Variants in IRS1 observed in about 807,000 individuals in gnomAD.
IRS1 encodes the protein insulin receptor substrate 1.
Under a neutral mutation model 65.6 loss-of-function variants are expected in IRS1, and 34 were observed. The ratio of observed to expected loss-of-function variants is 0.52; its 90% confidence interval spans 0.39 to 0.69. The LOEUF (loss-of-function observed/expected upper bound fraction) is 0.69. Among genes scored for constraint, IRS1 ranks in the 30% least tolerant of loss-of-function variants. The pLI is 0.00. For synonymous variants in IRS1, 699 were observed against 683.5 expected (o/e 1.02, Z -0.35); for missense variants, 1,641 against 1,720.2 (o/e 0.95, Z 0.81).
In IRS1 at chr2:226,733,013, T is replaced by C. The variant is rs751030731; in HGVS notation, c.*3259A>G. Reference sequence around the variant, plus strand: ...TCACCAGCAGTTGGAAGACTGCACATGGATACTATTTGTCATGGCTCTCGT... The same window carrying C: ...TCACCAGCAGTTGGAAGACTGCACACGGATACTATTTGTCATGGCTCTCGT... On this transcript the variant is annotated 3_prime_UTR_variant, in exon 2 of 2. Transcript: ENST00000305123. 2 of 152,214 alleles carry C rather than the reference T, an allele frequency of 1.3e-5. No homozygotes were observed. The highest frequency in any genetic ancestry group is 2.9e-5 in the Non-Finnish European group (2 of 68,032). The allele number at this position is 152,214 out of a possible 1,614,324, so 9.4% of individuals were successfully genotyped here. A position where few individuals can be genotyped will look rare whatever the true frequency, so the allele number is the denominator to read the frequency against.
Position 226,751,291 on chromosome 2 carries a change from T to G in IRS1, c.*22-15041A>C, listed in dbSNP as rs956961112. Among the ~76,000 whole-genome samples, 31 of 143,390 alleles carry G rather than the reference T, an allele frequency of 2.2e-4. No individual in the cohort carries two copies. In the South Asian group the frequency reaches 6.6e-3, roughly 31 times the overall value. The allele number at this position is 143,390 out of a possible 152,430, so 94.1% of individuals were successfully genotyped here. A position where few individuals can be genotyped will look rare whatever the true frequency, so the allele number is the denominator to read the frequency against. On this transcript the variant is annotated intron_variant, in intron 1 of 1. Transcript: ENST00000305123. ...ACACGGGTATTTTTTTTTTTTTTTTTTTTTTTTTTTGAGACAGAGTCTCGC... is the reference window on the plus strand; with the variant it reads ...ACACGGGTATTTTTTTTTTTTTTTTGTTTTTTTTTTGAGACAGAGTCTCGC...
intron 1 of IRS1, among the ~76,000 whole-genome samples, chr2:226,793,760 G>A (rs1939653802): frequency 6.6e-6 from 1 of 152,162 alleles, no homozygotes; most frequent in South Asian, 2.1e-4. Flanking sequence ...TCAGAGTAAA[G>A]TGTTTCCAAA....
chr2:226,772,638 G>T (rs374502566), intron 1 of IRS1, among the ~76,000 whole-genome samples: 2 of 147,900 alleles, frequency 1.4e-5, no homozygotes, highest in South Asian at 4.3e-4. Context: ...CAGGAAAAAT[G>T]ATGCTGGTAA....
rs866580419 is a variant in IRS1 at position 226,797,967 on chromosome 2, G to A, written c.772C>T (p.Arg258Trp). The A allele has an allele frequency of 6.2e-7, 1 of 1,613,938 alleles. No individual in the cohort carries two copies. The highest frequency in any genetic ancestry group is 1.3e-5 in the African/African-American group (1 of 74,900). Residue 258 changes from arginine to tryptophan, a missense_variant, in exon 1 of 2, where the codon CGG becomes TGG. Around this residue, in one of 3 missense-constraint regions of IRS1, gnomAD observed 77 missense variants for 129.6 expected, o/e 0.59. Coordinates refer to ENST00000305123, the MANE Select transcript of IRS1 (RefSeq NM_005544.3). The surrounding 1 kb of genome is among the most constrained non-coding windows in gnomAD (Gnocchi z 8.1). Reference protein sequence around the residue: ...NMHETILEAMRAMSDEFRPRS... With the variant: ...NMHETILEAMWAMSDEFRPRS... The stretch of plus-strand genomic sequence containing the variant: ...GGGCGGAACTCATCACTCATGGCCC[G>A]CATGGCCTCCAGGATGGTCTCGTGC...
Position 226,795,867 on chromosome 2 carries a change from T to G in IRS1, c.2872A>C (p.Thr958Pro), listed in dbSNP as rs377334234. Residue 958 changes from threonine (T) to proline (P), a missense_variant, in exon 1 of 2, where the codon ACT (threonine) becomes CCT (proline). This residue lies in a region of IRS1 where 1,324 missense variants were observed against 1,361.0 expected (regional missense o/e 0.97). Transcript: ENST00000305123. ...PGRRAAWQESTGVEMGRLGPA... is the reference protein window; with the variant it reads ...PGRRAAWQESPGVEMGRLGPA... ...CCCAGTCTGCCCATCTCGACCCCAG[T>G]GCTCTCCTGCCAGGCTGCCCTCCGG... 1 of 1,613,644 alleles carries G rather than the reference T, an allele frequency of 6.2e-7. No individual in the cohort carries two copies. The highest frequency in any genetic ancestry group is 8.5e-7 in the Non-Finnish European group (1 of 1,180,008).
intron 1 of IRS1, among the ~76,000 whole-genome samples, chr2:226,765,884 C>T (rs920544629): frequency 6.6e-6 from 1 of 151,486 alleles, no homozygotes; most frequent in African/African-American, 2.4e-5. Context: ...GGGAATAAAG[C>T]TGAAATATAT....
chr2:226,797,903 G>A lies in IRS1; in HGVS notation c.836C>T (p.Pro279Leu). ...KSQSSSNCSN[P>L]ISVPLRRHHL... ...GTGCCGGCGCAGGGGGACGCTGATGGGGTTAGAGCAGTTGGACGAGGACTG... is the reference window on the plus strand; with the variant it reads ...GTGCCGGCGCAGGGGGACGCTGATGAGGTTAGAGCAGTTGGACGAGGACTG... Residue 279 changes from proline to leucine, a missense_variant, in exon 1 of 2, where the codon CCC (proline) becomes CTC (leucine). By Grantham distance (98) the Pro-to-Leu change is moderately conservative. Coordinates refer to ENST00000305123, the MANE Select transcript of IRS1 (RefSeq NM_005544.3). This position sits in a 1 kb window ranked among gnomAD's most constrained non-coding sequence, Gnocchi z 8.1. 6.2e-7 allele frequency: 1 copy of A among 1,613,100 alleles called. No homozygotes were observed. The highest frequency in any genetic ancestry group is 8.5e-7 in the Non-Finnish European group (1 of 1,179,516).
At chr2:226,792,786 G>A (rs939127766) in intron 1 of IRS1, among the ~76,000 whole-genome samples, 1 of 152,240 alleles carries the variant, frequency 6.6e-6, no homozygotes, top group Admixed American at 6.5e-5. Context: ...CGGAGCAGAA[G>A]CTGTTTGCCA....
intron 1 of IRS1, among the ~76,000 whole-genome samples, chr2:226,767,405 A>C (rs1298050576): frequency 1.3e-5 from 2 of 152,224 alleles, no homozygotes; most frequent in Non-Finnish European, 2.9e-5. Context: ...CAAAATACAA[A>C]AGAACTGGGA....
Position 226,795,497 on chromosome 2 carries a change from CGGTTAGGACTGA to C in IRS1, c.3230_3241del (p.Leu1077_Asn1080del). The C allele has an allele frequency of 6.2e-7, 1 of 1,613,506 alleles. No homozygotes were observed. The highest frequency in any genetic ancestry group is 8.5e-7 in the Non-Finnish European group (1 of 1,180,026). On this transcript the variant is annotated inframe_deletion, in exon 1 of 2. Transcript: ENST00000305123. ...ACGGATCACTTTGGCACTCTGGTTGCGGTTAGGACTGAGGTTCACCCGGGTGAAGGCGCTCAT... is the reference window on the plus strand; with the variant it reads ...ACGGATCACTTTGGCACTCTGGTTGCGGTTCACCCGGGTGAAGGCGCTCAT...
rs1312009930 is a variant in IRS1 at position 226,795,110 on chromosome 2, G to C, written c.3629C>G (p.Pro1210Arg). The change falls in exon 1 of 2, where the codon CCC (proline) becomes CGC (arginine). Residue 1210 changes from proline to arginine, a missense_variant. Transcript: ENST00000305123. ...QPPPPPPPHQ[P>R]LGSGESSSTR... ...GGAGCTGCTCTCACCGCTGCCCAGG[G>C]GTTGATGAGGGGGTGGGGGTGGGGG... 6.2e-7 allele frequency: 1 copy of C among 1,608,326 alleles called. No homozygotes were observed. The highest frequency in any genetic ancestry group is 8.5e-7 in the Non-Finnish European group (1 of 1,177,226).
rs41265094 is a variant in IRS1, at chr2:226,796,287, C to G, written c.2452G>C (p.Gly818Arg). The G allele has an allele frequency of 0.012, 18,922 of 1,613,528 alleles. 145 individuals carry two copies. Among genetic ancestry groups the G allele is most frequent in the Non-Finnish European group, 0.014 (16,243 of 1,180,040 alleles). Reference protein sequence around the residue: ...SSSTSSDSLGGGYCGARLEPS... With the variant: ...SSSTSSDSLGRGYCGARLEPS... Reference sequence around the variant, plus strand: ...TCCAGCCTAGCCCCGCAGTATCCCCCACCCAGGCTGTCGCTGCTGGTGGAA... The same window carrying G: ...TCCAGCCTAGCCCCGCAGTATCCCCGACCCAGGCTGTCGCTGCTGGTGGAA... The change falls in exon 1 of 2, where the codon GGG becomes CGG. Residue 818 changes from glycine to arginine, a missense_variant. This residue lies in a region of IRS1 where 1,324 missense variants were observed against 1,361.0 expected (regional missense o/e 0.97). Transcript: ENST00000305123.
intron 1 of IRS1, among the ~76,000 whole-genome samples, chr2:226,775,089 TAA>T (rs903896252): frequency 6.6e-6 from 1 of 151,926 alleles, no homozygotes; most frequent in African/African-American, 2.4e-5. Flanking sequence ...TGTATGCAAA[TAA>T]AAAAATACAC....
chr2:226,798,134 G>T lies in IRS1; in HGVS notation c.605C>A (p.Ala202Glu), dbSNP rs199746787. 6.2e-7 allele frequency: 1 copy of T among 1,613,932 alleles called. No individual in the cohort carries two copies. The highest frequency in any genetic ancestry group is 1.1e-5 in the South Asian group (1 of 91,074). ...GTTCATCAGCTGCAGCACCACGGCC[G>T]CTGCCTCCGAGTTCAGCTTCACGAA... ...ISFVKLNSEA[A>E]AVVLQLMNIR... The change falls in exon 1 of 2, where the codon GCG (alanine) becomes GAG (glutamate). Residue 202 changes from alanine to glutamate, a missense_variant. By Grantham distance (107) the Ala-to-Glu change is moderately radical. Transcript: ENST00000305123. This position sits in a 1 kb window ranked among gnomAD's most constrained non-coding sequence, Gnocchi z 9.4.
In IRS1 at chr2:226,766,121, T is replaced by TTA. The variant is rs1171119286; in HGVS notation, c.*21+28866_*21+28867dup. Among the ~76,000 whole-genome samples the TTA allele has an allele frequency of 7.7e-4, 11 of 14,210 alleles. 1 individual carries two copies. The highest frequency in any genetic ancestry group is 3.1e-3 in the South Asian group (1 of 320). The allele number at this position is 14,210 out of a possible 152,430, so 9.3% of individuals were successfully genotyped here. ...ATTTTCCCAAGGCCCTCTCTTAATC[T>TTA]TATATATATATATATATATATATAT... On this transcript the variant is annotated intron_variant, in intron 1 of 1. Coordinates refer to ENST00000305123, the MANE Select transcript of IRS1 (RefSeq NM_005544.3).
rs1024530597 is a variant in IRS1 at position 226,798,880 on chromosome 2, C to A, written c.-142G>T. On this transcript the variant is annotated 5_prime_UTR_variant, in exon 1 of 2. Transcript: ENST00000305123. The surrounding 1 kb of genome is among the most constrained non-coding windows in gnomAD (Gnocchi z 9.4). ...ACCCCGACTCTGAAATCCACGCCGC[C>A]CCCCGCGCCGGGGAGGGGCAGCTGA... The A allele has an allele frequency of 2.0e-6, 3 of 1,520,930 alleles. No individual in the cohort carries two copies. Among genetic ancestry groups the A allele is most frequent in the Non-Finnish European group, 2.7e-6 (3 of 1,131,168 alleles). 94.2% of individuals were successfully genotyped at this position (1,520,930 alleles called of 1,614,324 possible).
intron 1 of IRS1, among the ~76,000 whole-genome samples, chr2:226,780,868 T>C (rs930856579): frequency 6.6e-6 from 1 of 152,262 alleles, no homozygotes; most frequent in East Asian, 1.9e-4. Flanking sequence ...TTATTGTTCT[T>C]GTTTGAAACT....
In IRS1 at chr2:226,733,515, T is replaced by C. The variant is rs146946165; in HGVS notation, c.*2757A>G. 6.6e-6 allele frequency: 1 copy of C among 152,350 alleles called. No homozygotes were observed. The highest frequency in any genetic ancestry group is 1.9e-4 in the East Asian group (1 of 5,190). The allele number at this position is 152,350 out of a possible 1,614,324, so 9.4% of individuals were successfully genotyped here. On this transcript the variant is annotated 3_prime_UTR_variant, in exon 2 of 2. Coordinates refer to ENST00000305123, the MANE Select transcript of IRS1 (RefSeq NM_005544.3). ...AAAGTCATAAAACATATTTGTTCTT[T>C]TCGCAAAAGAGGATTTTAAAACTCT...
At chr2:226,767,983 T>C (rs1939088361) in intron 1 of IRS1, among the ~76,000 whole-genome samples, 1 of 152,202 alleles carries the variant, frequency 6.6e-6, no homozygotes, top group South Asian at 2.1e-4. Flanking sequence ...TCCCATGGCC[T>C]ATGAAGCCCT....
Sources: gnomAD v4.1 joint callset for allele counts (sites outside exome capture counted in the v4.1 genomes callset) on GRCh38, gnomAD v4.1.1 for gene constraint, gnomAD v4.1.1 regional missense constraint, Gnocchi (gnomAD v3.1) non-coding constraint, MANE v1.5 for transcripts, NCBI Gene and HGNC (gene_info 2026-07-23, HGNC 2026-07-21) for gene names.